The following FAM184B variants were observed in gnomAD, a reference collection of about 807,000 sequenced individuals.
FAM184B encodes the protein protein FAM184B.
Under a neutral mutation model 135.9 loss-of-function variants are expected in FAM184B, and 111 were observed. The ratio of observed to expected loss-of-function variants is 0.82; its 90% confidence interval spans 0.70 to 0.96. FAM184B has a LOEUF of 0.96. Among genes scored for constraint, FAM184B ranks in the 40% least tolerant of loss-of-function variants. The pLI is 0.00. For synonymous variants in FAM184B, 552 were observed against 524.8 expected (o/e 1.05, Z -0.71); for missense variants, 1,375 against 1,323.9 (o/e 1.04, Z -0.60).
In FAM184B at chr4:17,629,530, T is replaced by C. The variant is rs912551026; in HGVS notation, c.*3002A>G. 1 of 152,186 alleles carries C rather than the reference T, an allele frequency of 6.6e-6. No homozygotes were observed. The highest frequency in any genetic ancestry group is 2.4e-5 in the African/African-American group (1 of 41,434). 9.4% of individuals were successfully genotyped at this position (152,186 alleles called of 1,614,324 possible). ...TTACCTACCCCAATTACAAAACAGT[T>C]TGCTTTCATGTGGAACAGATAGTAT... On this transcript the variant is annotated 3_prime_UTR_variant, in exon 18 of 18. Coordinates refer to ENST00000265018, the MANE Select transcript of FAM184B (RefSeq NM_015688.2).
At chr4:17,659,592 T>C (rs548439554) in intron 9 of FAM184B, among the ~76,000 whole-genome samples, 151 of 152,064 alleles carry the variant, frequency 9.9e-4, no homozygotes, top group African/African-American at 3.6e-3. Context: ...GTTCAAGCAA[T>C]TCTCCTGCCT....
chr4:17,745,786 T>A (rs1443724676), intron 1 of FAM184B, among the ~76,000 whole-genome samples: 2 of 152,232 alleles, frequency 1.3e-5, no homozygotes, highest in Non-Finnish European at 2.9e-5. Context: ...TCAATGTCAC[T>A]CGACTGGATT....
intron 7 of FAM184B, among the ~76,000 whole-genome samples, chr4:17,679,723 C>A (rs927077662): frequency 6.6e-6 from 1 of 152,082 alleles, no homozygotes. Context: ...TACTTGCACA[C>A]GCATGTTTAT....
intron 1 of FAM184B, among the ~76,000 whole-genome samples, chr4:17,726,324 A>AGGTGT (rs1717638091): frequency 6.6e-6 from 1 of 152,188 alleles, no homozygotes; most frequent in East Asian, 1.9e-4. Context: ...GCCCGAAGCC[A>AGGTGT]GGGCTAGCTC....
intron 1 of FAM184B, among the ~76,000 whole-genome samples, chr4:17,746,345 T>A (rs1450791738): frequency 1.3e-5 from 2 of 152,166 alleles, no homozygotes; most frequent in Non-Finnish European, 2.9e-5. Context: ...GGCTGAAAAC[T>A]CTACACATTA....
chr4:17,636,920 C>G (rs887565998), intron 14 of FAM184B, among the ~76,000 whole-genome samples: 3 of 152,228 alleles, frequency 2.0e-5, no homozygotes, highest in Admixed American at 6.5e-5. Context: ...GCCAGGGATG[C>G]TGCTGGGAGA....
At chr4:17,666,148 G>A (rs1436465605) in intron 7 of FAM184B, among the ~76,000 whole-genome samples, 1 of 152,110 alleles carries the variant, frequency 6.6e-6, no homozygotes, top group African/African-American at 2.4e-5. Flanking sequence ...CAGACGACCT[G>A]TGTTTAAATG....
chr4:17,757,198 T>C (rs1718442893), intron 1 of FAM184B, among the ~76,000 whole-genome samples: 1 of 152,258 alleles, frequency 6.6e-6, no homozygotes, highest in South Asian at 2.1e-4. Flanking sequence ...ATAAGTAATA[T>C]CAGCAAAACC....
intron 1 of FAM184B, among the ~76,000 whole-genome samples, chr4:17,765,702 G>T (rs1371963442): frequency 2.0e-5 from 3 of 152,192 alleles, no homozygotes; most frequent in Non-Finnish European, 4.4e-5. Context: ...ATTTAACACT[G>T]TGGTAATGCG....
At chr4:17,654,895 C>T (rs1307287706) in intron 10 of FAM184B, among the ~76,000 whole-genome samples, 1 of 152,186 alleles carries the variant, frequency 6.6e-6, no homozygotes, top group Non-Finnish European at 1.5e-5. Context: ...CTCTGTTGCC[C>T]AGCTGGAGTG....
At chr4:17,753,259 G>A (rs1718342003) in intron 1 of FAM184B, among the ~76,000 whole-genome samples, 1 of 152,144 alleles carries the variant, frequency 6.6e-6, no homozygotes, top group Non-Finnish European at 1.5e-5. Context: ...AGTCTCCTCA[G>A]GGCAGGGATC....
chr4:17,748,045 A>G (rs1286085434), intron 1 of FAM184B, among the ~76,000 whole-genome samples: 5 of 137,472 alleles, frequency 3.6e-5, no homozygotes, highest in African/African-American at 1.3e-4. Context: ...CAGAGGTTGC[A>G]GTTAGCAGAG....
intron 6 of FAM184B, among the ~76,000 whole-genome samples, chr4:17,692,624 C>T (rs1000953035): frequency 6.6e-6 from 1 of 152,088 alleles, no homozygotes; most frequent in Admixed American, 6.5e-5. Flanking sequence ...CTTAAAAATT[C>T]CCTAGAGGTT....
At chr4:17,740,729 T>C (rs1387176867) in intron 1 of FAM184B, among the ~76,000 whole-genome samples, 2 of 152,156 alleles carry the variant, frequency 1.3e-5, no homozygotes, top group Admixed American at 1.3e-4. Flanking sequence ...TATCTAATAT[T>C]TATAAAAGCT....
At chr4:17,676,302 C>T (rs1203424863) in intron 7 of FAM184B, among the ~76,000 whole-genome samples, 2 of 152,164 alleles carry the variant, frequency 1.3e-5, no homozygotes, top group African/African-American at 4.8e-5. Flanking sequence ...AACCAGAACA[C>T]ATACAACATT....
chr4:17,675,258 G>A (rs1716288532), intron 7 of FAM184B, among the ~76,000 whole-genome samples: 1 of 152,256 alleles, frequency 6.6e-6, no homozygotes, highest in Non-Finnish European at 1.5e-5. Flanking sequence ...GTGTCAGCAG[G>A]CATGAAAACA....
intron 1 of FAM184B, among the ~76,000 whole-genome samples, chr4:17,778,126 A>G (rs557786722): frequency 1.1e-4 from 17 of 152,238 alleles, no homozygotes; most frequent in African/African-American, 3.6e-4. Context: ...ATAAACTAAC[A>G]CCAAGACAGT....
chr4:17,775,263 G>T (rs1718903383), intron 1 of FAM184B, among the ~76,000 whole-genome samples: 1 of 152,072 alleles, frequency 6.6e-6, no homozygotes, highest in Non-Finnish European at 1.5e-5. Flanking sequence ...TTGGCTCACT[G>T]CAACTTCTGC....
At chr4:17,652,129 CTTT>C (rs1173327491) in intron 11 of FAM184B, among the ~76,000 whole-genome samples, 10 of 81,440 alleles carry the variant, frequency 1.2e-4, no homozygotes, top group Admixed American at 3.0e-4. Flanking sequence ...TATTTAATAT[CTTT>C]TTTTTTTTTT....
Sources: allele counts gnomAD v4.1 joint callset (sites outside exome capture counted in the v4.1 genomes callset), GRCh38; gene constraint gnomAD v4.1.1; transcripts MANE v1.5; gene names NCBI Gene and HGNC (gene_info 2026-07-23, HGNC 2026-07-21).